The following PIEZO2 variants were observed in gnomAD, a reference collection of about 807,000 sequenced individuals.
PIEZO2 encodes the protein piezo-type mechanosensitive ion channel component 2.
Under a neutral mutation model 337.3 loss-of-function variants are expected in PIEZO2, and 172 were observed. The observed-to-expected ratio is 0.51, with a 90% CI of 0.45 to 0.58. PIEZO2 has a LOEUF of 0.58. Ranked by LOEUF, PIEZO2 falls within the 20% of genes least tolerant of loss-of-function variation. The pLI, the probability that PIEZO2 is intolerant of heterozygous loss-of-function variation, is 0.00. For synonymous variants in PIEZO2, 1,251 were observed against 1,228.5 expected (o/e 1.02, Z -0.38); for missense variants, 3,028 against 3,391.3 (o/e 0.89, Z 2.66).
Position 10,682,460 on chromosome 18 carries a change from C to T in PIEZO2, c.7498-168G>A, listed in dbSNP as rs899144762. Among the ~76,000 whole-genome samples, 3 of 152,238 alleles carry T rather than the reference C, an allele frequency of 2.0e-5. No individual in the cohort carries two copies. The highest frequency in any genetic ancestry group is 3.9e-4 in the East Asian group (2 of 5,158). On this transcript the variant is annotated intron_variant, in intron 49 of 55. Coordinates refer to ENST00000674853, the MANE Select transcript of PIEZO2 (RefSeq NM_001378183.1). The surrounding 1 kb of genome is among the most constrained non-coding windows in gnomAD (Gnocchi z 5.6). ...GGGGATAGCAACCTTGTCCCAATCT[C>T]GAAATGAAGTTAGGTAGTGATGTGA...
In PIEZO2 at chr18:10,794,650, T is replaced by C; in HGVS notation, c.1758+122A>G. 2.5e-6 allele frequency: 2 copies of C among 802,990 alleles called. No homozygotes were observed. The highest frequency in any genetic ancestry group is 3.8e-6 in the Non-Finnish European group (2 of 524,326). 49.7% of individuals were successfully genotyped at this position (802,990 alleles called of 1,614,324 possible). A position where few individuals can be genotyped will look rare whatever the true frequency, so the allele number is the denominator to read the frequency against. On this transcript the variant is annotated intron_variant, in intron 13 of 55. Coordinates refer to ENST00000674853, the MANE Select transcript of PIEZO2 (RefSeq NM_001378183.1). This position sits in a 1 kb window ranked among gnomAD's most constrained non-coding sequence, Gnocchi z 6.6. The stretch of plus-strand genomic sequence containing the variant: ...ACTGTTTCTTACAGTCTCATGTTTG[T>C]TCATTTTTACAAAGCAGTGAATATT...
Position 10,813,134 on chromosome 18 carries a change from C to T in PIEZO2, c.918-5860G>A, listed in dbSNP as rs1305340006. On this transcript the variant is annotated intron_variant, in intron 7 of 55. Transcript: ENST00000674853. The surrounding 1 kb of genome is among the most constrained non-coding windows in gnomAD (Gnocchi z 4.2). ...ATCTAGGATTACAGGCACGCGCCAC[C>T]ACGCTCAGCTAAGTTTTTGTATTTT... Among the ~76,000 whole-genome samples, 1 of 152,108 alleles carries T rather than the reference C, an allele frequency of 6.6e-6. No homozygotes were observed. Among genetic ancestry groups the T allele is most frequent in the Non-Finnish European group, 1.5e-5 (1 of 68,030 alleles).
At position 10,775,552 on chromosome 18, in the gene PIEZO2, T is replaced by TAACA. The variant is rs1181364901; in HGVS notation, c.2535-1518_2535-1515dup. 5.9e-5 allele frequency among the ~76,000 whole-genome samples: 9 copies of TAACA among 152,334 alleles called. No homozygotes were observed. Among genetic ancestry groups the TAACA allele is most frequent in the African/African-American group, 1.7e-4 (7 of 41,570 alleles). ...CTCATACGACAAGAAAACTACTTTC[T>TAACA]AACAATTACTGCTATTAACAGAGTG... is the stretch of plus-strand genomic sequence containing the variant. On this transcript the variant is annotated intron_variant, in intron 18 of 55. Coordinates refer to ENST00000674853, the MANE Select transcript of PIEZO2 (RefSeq NM_001378183.1). The surrounding 1 kb of genome is among the most constrained non-coding windows in gnomAD (Gnocchi z 4.3).
rs2033332483 is a variant in PIEZO2, at chr18:10,952,326, CA to C, written c.286+27208del. Among the ~76,000 whole-genome samples, 2 of 152,158 alleles carry C rather than the reference CA, an allele frequency of 1.3e-5. No individual in the cohort carries two copies. Among genetic ancestry groups the C allele is most frequent in the Admixed American group, 6.5e-5 (1 of 15,278 alleles). On this transcript the variant is annotated intron_variant, in intron 3 of 55. Coordinates refer to ENST00000674853, the MANE Select transcript of PIEZO2 (RefSeq NM_001378183.1). This position sits in a 1 kb window ranked among gnomAD's most constrained non-coding sequence, Gnocchi z 4.1. ...ACAGTCATTTAACTACCACTACTGT[CA>C]AAATGTAAAGTTCCATCAGCCCACC...
At chr18:10,694,109 C>A (rs9958143) in intron 47 of PIEZO2, among the ~76,000 whole-genome samples, 44,495 of 151,930 alleles carry the variant, frequency 0.29, 6,886 homozygotes, top group Non-Finnish European at 0.35. Context: ...GAAAAAGTAT[C>A]CCAATTCTAC....
chr18:11,083,700 C>CTT lies in PIEZO2; in HGVS notation c.65-17479_65-17478insAA, dbSNP rs1568359485. 6.6e-6 allele frequency among the ~76,000 whole-genome samples: 1 copy of CTT among 152,148 alleles called. No homozygotes were observed. The highest frequency in any genetic ancestry group is 2.4e-5 in the African/African-American group (1 of 41,422). ...AGGACACTTAGTAGGAATCCTCAGG[C>CTT]AGAAGACTAAGAAAATTTGCAGAAA... is the stretch of plus-strand genomic sequence containing the variant. On this transcript the variant is annotated intron_variant, in intron 1 of 55. Coordinates refer to ENST00000674853, the MANE Select transcript of PIEZO2 (RefSeq NM_001378183.1). This position sits in a 1 kb window ranked among gnomAD's most constrained non-coding sequence, Gnocchi z 4.4.
rs991184216 is a variant in PIEZO2, at chr18:10,824,017, T to C, written c.918-16743A>G. On this transcript the variant is annotated intron_variant, in intron 7 of 55. Coordinates refer to ENST00000674853, the MANE Select transcript of PIEZO2 (RefSeq NM_001378183.1). The surrounding 1 kb of genome is among the most constrained non-coding windows in gnomAD (Gnocchi z 4.4). The stretch of plus-strand genomic sequence containing the variant: ...TCCTCAAGCCTTATCCTAAGGTCAG[T>C]GTATATCATTCCCATGAATATTTAA... Among the ~76,000 whole-genome samples the C allele has an allele frequency of 6.6e-6, 1 of 152,224 alleles. No homozygotes were observed. Among genetic ancestry groups the C allele is most frequent in the Admixed American group, 6.5e-5 (1 of 15,280 alleles).
At position 11,110,669 on chromosome 18, in the gene PIEZO2, C is replaced by T. The variant is rs920375360; in HGVS notation, c.64+37856G>A. Among the ~76,000 whole-genome samples the T allele has an allele frequency of 3.3e-5, 5 of 152,222 alleles. No homozygotes were observed. The highest frequency in any genetic ancestry group is 1.2e-4 in the African/African-American group (5 of 41,466). Reference sequence around the variant, plus strand: ...GCTAGCAAGTCAGTGGCCTCTGATGCGATGCCTCGTCATCCTTTCCGCCCC... The same window carrying T: ...GCTAGCAAGTCAGTGGCCTCTGATGTGATGCCTCGTCATCCTTTCCGCCCC... On this transcript the variant is annotated intron_variant, in intron 1 of 55. Transcript: ENST00000674853. This position sits in a 1 kb window ranked among gnomAD's most constrained non-coding sequence, Gnocchi z 4.2.
At chr18:10,808,134 G>A (rs1245048801) in intron 7 of PIEZO2, among the ~76,000 whole-genome samples, 1 of 152,126 alleles carries the variant, frequency 6.6e-6, no homozygotes. Context: ...TGTCACCCAG[G>A]CTGGAGTGCA....
In PIEZO2 at chr18:10,716,285, G is replaced by A. The variant is rs1211480874; in HGVS notation, c.5090-469C>T. ...TCCTCCTCAACCCACTCAAGGGAAG[G>A]ACGATGAGGATGAGAGCTTTATGAT... On this transcript the variant is annotated intron_variant, in intron 37 of 55. Transcript: ENST00000674853. The surrounding 1 kb of genome is among the most constrained non-coding windows in gnomAD (Gnocchi z 4.1). Among the ~76,000 whole-genome samples, 1 of 152,112 alleles carries A rather than the reference G, an allele frequency of 6.6e-6. No individual in the cohort carries two copies. The highest frequency in any genetic ancestry group is 2.4e-5 in the African/African-American group (1 of 41,398).
intron 1 of PIEZO2, among the ~76,000 whole-genome samples, chr18:11,075,636 G>C (rs1000697859): frequency 9.2e-5 from 14 of 152,112 alleles, no homozygotes; most frequent in African/African-American, 3.4e-4. Context: ...CTTCAAGAAG[G>C]ACAATGCCAG....
chr18:10,759,454 T>C lies in PIEZO2; in HGVS notation c.3757+28A>G. On this transcript the variant is annotated intron_variant, in intron 26 of 55. Coordinates refer to ENST00000674853, the MANE Select transcript of PIEZO2 (RefSeq NM_001378183.1). This position sits in a 1 kb window ranked among gnomAD's most constrained non-coding sequence, Gnocchi z 5.5. ...TAACAGTAAACCCGGATACCAGCAC[T>C]CTGTGGCCCTGCAGTGGAAACACTT... 1.3e-6 allele frequency: 2 copies of C among 1,510,842 alleles called. No homozygotes were observed. The highest frequency in any genetic ancestry group is 1.8e-6 in the Non-Finnish European group (2 of 1,123,996). The allele number at this position is 1,510,842 out of a possible 1,614,324, so 93.6% of individuals were successfully genotyped here. A position where few individuals can be genotyped will look rare whatever the true frequency, so the allele number is the denominator to read the frequency against.
At chr18:10,882,162 C>T (rs911509434) in intron 4 of PIEZO2, among the ~76,000 whole-genome samples, 95 of 152,312 alleles carry the variant, frequency 6.2e-4, no homozygotes, top group African/African-American at 2.2e-3. Flanking sequence ...TCCAGGCATC[C>T]GAGAGCTCCC....
At chr18:10,968,734 G>A (rs1021623202) in intron 3 of PIEZO2, among the ~76,000 whole-genome samples, 24 of 152,022 alleles carry the variant, frequency 1.6e-4, no homozygotes, top group Non-Finnish European at 1.3e-4. Flanking sequence ...ATGCAAAACA[G>A]TTGTTTATAA....
Position 10,682,341 on chromosome 18 carries a change from C to A in PIEZO2, c.7498-49G>T. The A allele has an allele frequency of 1.4e-6, 2 of 1,477,568 alleles. No homozygotes were observed. Among genetic ancestry groups the A allele is most frequent in the East Asian group, 4.9e-5 (2 of 40,536 alleles). The allele number at this position is 1,477,568 out of a possible 1,614,324, so 91.5% of individuals were successfully genotyped here. A position where few individuals can be genotyped will look rare whatever the true frequency, so the allele number is the denominator to read the frequency against. On this transcript the variant is annotated intron_variant, in intron 49 of 55. Transcript: ENST00000674853. This position sits in a 1 kb window ranked among gnomAD's most constrained non-coding sequence, Gnocchi z 5.6. ...GCTCAGGCTCAGGCTCAGGTGCTTT[C>A]CCGCAGGCAGCGGGATTGGGGGAGA...
chr18:10,751,680 A>C (rs146667707), intron 28 of PIEZO2, among the ~76,000 whole-genome samples: 1 of 152,234 alleles, frequency 6.6e-6, no homozygotes, highest in Non-Finnish European at 1.5e-5. Context: ...GGAAGGAAGA[A>C]GCAGAAGAGA....
intron 4 of PIEZO2, among the ~76,000 whole-genome samples, chr18:10,886,502 AT>A (rs2042612293): frequency 1.4e-5 from 1 of 69,266 alleles, no homozygotes; most frequent in African/African-American, 5.4e-5. Context: ...ATATATACGC[AT>A]ATACACATTA....
At chr18:10,763,803 C>G (rs1420232237) in intron 21 of PIEZO2, among the ~76,000 whole-genome samples, 1 of 152,112 alleles carries the variant, frequency 6.6e-6, no homozygotes, top group Admixed American at 6.6e-5. Flanking sequence ...TTTGGGTGAC[C>G]CACTCACGTG....
At position 10,973,946 on chromosome 18, in the gene PIEZO2, A is replaced by G. The variant is rs958076509; in HGVS notation, c.286+5589T>C. ...TTTGTGTGAGAATGGAATTATTTGT[A>G]TGAGGATGGATCCACCAGGTGATTC... On this transcript the variant is annotated intron_variant, in intron 3 of 55. Transcript: ENST00000674853. This position sits in a 1 kb window ranked among gnomAD's most constrained non-coding sequence, Gnocchi z 4.9. 1.3e-5 allele frequency among the ~76,000 whole-genome samples: 2 copies of G among 152,240 alleles called. No homozygotes were observed. The highest frequency in any genetic ancestry group is 2.9e-5 in the Non-Finnish European group (2 of 68,042).
Sources: allele counts gnomAD v4.1 joint callset (sites outside exome capture counted in the v4.1 genomes callset), GRCh38; gene constraint gnomAD v4.1.1; non-coding constraint Gnocchi (gnomAD v3.1); transcripts MANE v1.5; gene names NCBI Gene and HGNC (gene_info 2026-07-23, HGNC 2026-07-21).